The following HORMAD2 variants were observed in gnomAD, a reference collection of about 807,000 sequenced individuals.
HORMAD2 encodes the protein HORMA domain-containing protein 2.
Under a neutral mutation model 38.8 loss-of-function variants are expected in HORMAD2, and 45 were observed. That is an observed-to-expected ratio of 1.16 (90% CI 0.91 to 1.49). HORMAD2 has a LOEUF of 1.49. HORMAD2 is among the 40% of genes most tolerant of loss of function. HORMAD2 has a pLI of 0.00. For missense variants in HORMAD2, 338 were observed against 367.0 expected (o/e 0.92, Z 0.65); for synonymous variants, 126 against 122.8 (o/e 1.03, Z -0.17).
At chr22:30,151,313 G>C (rs1178629782) in intron 10 of HORMAD2, among the ~76,000 whole-genome samples, 1 of 152,144 alleles carries the variant, frequency 6.6e-6, no homozygotes, top group Non-Finnish European at 1.5e-5. Flanking sequence ...CAAAATAAAT[G>C]TGTGTGTCAA....
chr22:30,146,277 G>T (rs1030672373), intron 10 of HORMAD2, among the ~76,000 whole-genome samples: 4 of 152,140 alleles, frequency 2.6e-5, no homozygotes, highest in Non-Finnish European at 4.4e-5. Context: ...TGGATCACGA[G>T]GTCAGGAGAT....
intron 1 of HORMAD2, among the ~76,000 whole-genome samples, chr22:30,082,616 A>T (rs544364913): frequency 1.1e-4 from 17 of 151,956 alleles, no homozygotes; most frequent in South Asian, 6.2e-4. Context: ...CGCCCGCCCA[A>T]CTCTACAAAA....
chr22:30,114,441 A>G (rs1921894193), intron 7 of HORMAD2, among the ~76,000 whole-genome samples: 1 of 152,214 alleles, frequency 6.6e-6, no homozygotes, highest in Non-Finnish European at 1.5e-5. Flanking sequence ...AAGTTACATT[A>G]TTTTATGATT....
At chr22:30,082,042 A>G (rs2068488270) in intron 1 of HORMAD2, among the ~76,000 whole-genome samples, 1 of 152,184 alleles carries the variant, frequency 6.6e-6, no homozygotes, top group East Asian at 1.9e-4. Context: ...TGCTGAAAAA[A>G]AGATTCTTCC....
chr22:30,134,440 T>A, intron 10 of HORMAD2, among the ~76,000 whole-genome samples: 1 of 147,288 alleles, frequency 6.8e-6, no homozygotes, highest in Admixed American at 6.8e-5. Context: ...TAAAGTATAA[T>A]CATAAATAAA....
the HORMAD2 span, among the ~76,000 whole-genome samples, chr22:30,189,242 G>T: frequency 6.6e-6 from 1 of 152,194 alleles, no homozygotes; most frequent in South Asian, 2.1e-4. Flanking sequence ...AAGGCATTGG[G>T]ACAGGAAACT....
chr22:30,185,302 C>T, the HORMAD2 span, among the ~76,000 whole-genome samples: 14 of 152,304 alleles, frequency 9.2e-5, 1 homozygote, highest in South Asian at 1.7e-3. Context: ...CGAGCAAAAG[C>T]GAGCTTCGTC....
intron 1 of HORMAD2, among the ~76,000 whole-genome samples, chr22:30,088,073 G>A (rs528600523): frequency 9.6e-5 from 14 of 146,474 alleles, no homozygotes; most frequent in South Asian, 6.5e-4. Context: ...ATACACACAC[G>A]TACACACGTG....
downstream of HORMAD2, among the ~76,000 whole-genome samples, chr22:30,181,051 A>T (rs968036506): frequency 2.1e-5 from 3 of 143,484 alleles, no homozygotes; most frequent in Non-Finnish European, 4.5e-5. Flanking sequence ...TCTCTTTTTG[A>T]CAAGGTTTCA....
At chr22:30,125,380 C>T (rs1922790405) in intron 10 of HORMAD2, among the ~76,000 whole-genome samples, 2 of 151,588 alleles carry the variant, frequency 1.3e-5, no homozygotes, top group Non-Finnish European at 1.5e-5. Flanking sequence ...AGGCATGTGC[C>T]ACCACACCCA....
At chr22:30,200,614 T>C in the HORMAD2 span, among the ~76,000 whole-genome samples, 2 of 152,078 alleles carry the variant, frequency 1.3e-5, no homozygotes, top group African/African-American at 4.8e-5. Context: ...TACAACCATG[T>C]GATTGCAAAG....
the HORMAD2 span, among the ~76,000 whole-genome samples, chr22:30,186,684 T>C: frequency 6.6e-6 from 1 of 152,080 alleles, no homozygotes; most frequent in Admixed American, 6.6e-5. Context: ...TGGTTCTCAT[T>C]TCCCTCTGCA....
In HORMAD2 at chr22:30,150,383, C is replaced by T. The variant is rs189436622; in HGVS notation, c.820-25680C>T. Among the ~76,000 whole-genome samples the T allele has an allele frequency of 4.6e-5, 7 of 152,186 alleles. No individual in the cohort carries two copies. In the East Asian group the frequency reaches 1.2e-3, roughly 25 times the overall value. ...CTTTTTATGGCATCCTGTTCTTGCT[C>T]ATGGTTACAGAATTGTCTCTTATGT... On this transcript the variant is annotated intron_variant, in intron 10 of 10. Coordinates refer to ENST00000336726, the MANE Select transcript of HORMAD2 (RefSeq NM_152510.4).
chr22:30,180,234 G>A (rs1478109678), downstream of HORMAD2, among the ~76,000 whole-genome samples: 1 of 152,156 alleles, frequency 6.6e-6, no homozygotes, highest in Non-Finnish European at 1.5e-5. Context: ...ATGAGGTTCA[G>A]CAGTGCATGG....
chr22:30,078,192 G>A (rs1313694299), upstream of HORMAD2, among the ~76,000 whole-genome samples: 1 of 152,238 alleles, frequency 6.6e-6, no homozygotes, highest in Non-Finnish European at 1.5e-5. Flanking sequence ...TCTATTGAGT[G>A]CCTACTGTGT....
the HORMAD2 span, among the ~76,000 whole-genome samples, chr22:30,191,013 G>T: frequency 6.6e-6 from 1 of 152,130 alleles, no homozygotes; most frequent in Admixed American, 6.5e-5. Context: ...AGCAAGAAAG[G>T]CCAGCAAGGA....
intron 10 of HORMAD2, among the ~76,000 whole-genome samples, chr22:30,144,933 C>T (rs552289628): frequency 4.6e-5 from 7 of 152,128 alleles, no homozygotes; most frequent in Admixed American, 4.6e-4. Flanking sequence ...AGATTGGGAG[C>T]TTGGGAGAGA....
upstream of HORMAD2, chr22:30,080,457 G>A (rs1444038820): frequency 1.3e-5 from 2 of 152,374 alleles, no homozygotes; most frequent in African/African-American, 4.8e-5. Flanking sequence ...AAAGGCCGTT[G>A]ACCCCCGGTG....
intron 10 of HORMAD2, among the ~76,000 whole-genome samples, chr22:30,124,256 AACACACACACAC>A (rs10616156): frequency 0.22 from 31,532 of 146,532 alleles, 3,755 homozygotes; most frequent in Middle Eastern, 0.39. Flanking sequence ...GAATACATGG[AACACACACACAC>A]ACACACACAC....
Sources: allele counts gnomAD v4.1 joint callset (sites outside exome capture counted in the v4.1 genomes callset), GRCh38; gene constraint gnomAD v4.1.1; transcripts MANE v1.5; gene names NCBI Gene and HGNC (gene_info 2026-07-23, HGNC 2026-07-21).